JDP2: variants seen among roughly 807,000 people sequenced by gnomAD.
The protein encoded by JDP2 is progesterone receptor co-activator.
A neutral mutation model predicts 17.1 loss-of-function variants in JDP2; 9 were observed. The ratio of observed to expected loss-of-function variants is 0.53; its 90% CI spans 0.32 to 0.92. JDP2 has a LOEUF of 0.92. Among genes scored for constraint, JDP2 ranks in the 40% least tolerant of loss-of-function variants. The pLI, the probability that JDP2 is intolerant of heterozygous loss-of-function variation, is 0.04. For synonymous variants in JDP2, 107 were observed against 95.6 expected (o/e 1.12, Z -0.69); for missense variants, 179 against 220.0 (o/e 0.81, Z 1.18).
intron 2 of JDP2, among the ~76,000 whole-genome samples, chr14:75,450,413 T>C (rs1336040969): frequency 1.3e-5 from 2 of 152,186 alleles, no homozygotes; most frequent in Non-Finnish European, 2.9e-5. Flanking sequence ...TGGAGCTTAG[T>C]TTGCAGCCCT....
intron 2 of JDP2, among the ~76,000 whole-genome samples, chr14:75,439,921 A>G (rs1885257973): frequency 1.3e-5 from 2 of 152,324 alleles, no homozygotes; most frequent in Middle Eastern, 3.4e-3. Context: ...GGGTTGATGA[A>G]GAGCCAGGTG....
At chr14:75,439,906 G>C (rs867319265) in intron 2 of JDP2, among the ~76,000 whole-genome samples, 14 of 152,204 alleles carry the variant, frequency 9.2e-5, no homozygotes, top group African/African-American at 3.4e-4. Context: ...CTAAGGCTGC[G>C]CATGGGGTTG....
At chr14:75,441,073 G>A (rs532350499) in intron 2 of JDP2, among the ~76,000 whole-genome samples, 14 of 152,184 alleles carry the variant, frequency 9.2e-5, no homozygotes, top group Non-Finnish European at 2.1e-4. Context: ...ATTGTCTGAT[G>A]AGTGCTGAGC....
intron 1 of JDP2, among the ~76,000 whole-genome samples, chr14:75,429,470 G>T (rs900751371): frequency 6.6e-6 from 1 of 152,088 alleles, no homozygotes; most frequent in African/African-American, 2.4e-5. Flanking sequence ...GGGTACATTT[G>T]TACCCAAACG....
chr14:75,436,771 G>A (rs1885082596), intron 1 of JDP2, among the ~76,000 whole-genome samples: 1 of 152,242 alleles, frequency 6.6e-6, no homozygotes. Flanking sequence ...CCCCAGTAAA[G>A]GGAAGGAAGA....
intron 2 of JDP2, among the ~76,000 whole-genome samples, chr14:75,438,368 TA>T (rs2140047184): frequency 6.6e-6 from 1 of 152,228 alleles, no homozygotes; most frequent in Admixed American, 6.5e-5. Flanking sequence ...GGAGGATGTT[TA>T]ACCTGTCTCT....
chr14:75,459,683 C>G (rs538032368), intron 2 of JDP2, among the ~76,000 whole-genome samples: 1 of 152,358 alleles, frequency 6.6e-6, no homozygotes, highest in African/African-American at 2.4e-5. Context: ...ACCCTCCTCC[C>G]TGGCTGGAGA....
At chr14:75,459,649 TG>T (rs1442857576) in intron 2 of JDP2, among the ~76,000 whole-genome samples, 1 of 152,226 alleles carries the variant, frequency 6.6e-6, no homozygotes, top group Non-Finnish European at 1.5e-5. Context: ...TTCCAGGCCT[TG>T]GGCTGCCAGA....
At chr14:75,464,993 T>C (rs1311594185) in intron 3 of JDP2, among the ~76,000 whole-genome samples, 1 of 152,182 alleles carries the variant, frequency 6.6e-6, no homozygotes, top group African/African-American at 2.4e-5. Flanking sequence ...TCATAGCCAC[T>C]CTCTCCTGAT....
At chr14:75,431,418 G>A (rs1884791888) in intron 1 of JDP2, among the ~76,000 whole-genome samples, 1 of 152,180 alleles carries the variant, frequency 6.6e-6, no homozygotes, top group Admixed American at 6.5e-5. Context: ...GGCTTCTCTT[G>A]AACCCAGCTA....
rs985356758 is a variant in JDP2, at chr14:75,430,447, G to A, written c.-24+2195G>A. Among the ~76,000 whole-genome samples, 4 of 152,150 alleles carry A rather than the reference G, an allele frequency of 2.6e-5. No homozygotes were observed. The highest frequency in any genetic ancestry group is 5.9e-5 in the Non-Finnish European group (4 of 68,032). ...ATGCGAATGAATTATGTTTGAAACC[G>A]AAATGGGAGGAAGAGAAAAATGGAG... On this transcript the variant is annotated intron_variant, in intron 1 of 3. Coordinates refer to ENST00000651602, the MANE Select transcript of JDP2 (RefSeq NM_001135048.2). The surrounding 1 kb of genome is among the most constrained non-coding windows in gnomAD (Gnocchi z 4.5).
At chr14:75,441,869 A>G (rs1885369507) in intron 2 of JDP2, among the ~76,000 whole-genome samples, 2 of 152,102 alleles carry the variant, frequency 1.3e-5, no homozygotes, top group South Asian at 2.1e-4. Context: ...TTCCCAGGTC[A>G]TCTCCCAGCG....
chr14:75,442,317 A>G (rs1885392791), intron 2 of JDP2, among the ~76,000 whole-genome samples: 1 of 152,158 alleles, frequency 6.6e-6, no homozygotes, highest in Non-Finnish European at 1.5e-5. Context: ...TTAAGGCCAC[A>G]CCCTTATACA....
chr14:75,451,926 T>C lies in JDP2; in HGVS notation c.202-9500T>C, dbSNP rs533297567. ...GTCTGTAAAAGCAGAAACTTCTTTT[T>C]TCTTTTTTTCGAGACAGAGTCTTGC... On this transcript the variant is annotated intron_variant, in intron 2 of 3. Transcript: ENST00000651602. Among the ~76,000 whole-genome samples, 25 of 152,326 alleles carry C rather than the reference T, an allele frequency of 1.6e-4. No individual in the cohort carries two copies. In the South Asian group the frequency reaches 5.2e-3, roughly 32 times the overall value.
chr14:75,452,701 C>T (rs1404756218), intron 2 of JDP2, among the ~76,000 whole-genome samples: 1 of 152,208 alleles, frequency 6.6e-6, no homozygotes, highest in Non-Finnish European at 1.5e-5. Context: ...GCCTGCATCC[C>T]ACTGGGGCTA....
At position 75,461,414 on chromosome 14, in the gene JDP2, G is replaced by T; in HGVS notation, c.202-12G>T. ...GCCTCAGTGTCTAATCAGTGGCTCT[G>T]TGCCCTCACAGCTAGATGAGGAAGA... On this transcript the variant is annotated splice_polypyrimidine_tract_variant and intron_variant, in intron 2 of 3. Transcript: ENST00000651602. 6.3e-7 allele frequency: 1 copy of T among 1,588,766 alleles called. No homozygotes were observed. The highest frequency in any genetic ancestry group is 8.6e-7 in the Non-Finnish European group (1 of 1,165,426).
At chr14:75,459,883 G>A (rs1450699049) in intron 2 of JDP2, among the ~76,000 whole-genome samples, 1 of 152,226 alleles carries the variant, frequency 6.6e-6, no homozygotes, top group Non-Finnish European at 1.5e-5. Context: ...GGCTGTAAGG[G>A]CTGGTGGTCA....
At chr14:75,444,623 C>T (rs140406594) in intron 2 of JDP2, among the ~76,000 whole-genome samples, 69 of 152,316 alleles carry the variant, frequency 4.5e-4, no homozygotes, top group African/African-American at 1.6e-3. Context: ...CAGTTTCCTG[C>T]ACATACTGCA....
At chr14:75,452,743 C>G (rs1885919761) in intron 2 of JDP2, among the ~76,000 whole-genome samples, 3 of 152,310 alleles carry the variant, frequency 2.0e-5, no homozygotes, top group Admixed American at 2.0e-4. Context: ...GGGGTGGCCA[C>G]CGCCCCATCC....
Sources: gnomAD v4.1 joint callset for allele counts (sites outside exome capture counted in the v4.1 genomes callset) on GRCh38, gnomAD v4.1.1 for gene constraint, Gnocchi (gnomAD v3.1) non-coding constraint, MANE v1.5 for transcripts, NCBI Gene and HGNC (gene_info 2026-07-23, HGNC 2026-07-21) for gene names.